The following CPAMD8 variants were observed in gnomAD, a reference collection of about 807,000 sequenced individuals.
CPAMD8 encodes C3 and PZP-like alpha-2-macroglobulin domain-containing protein 8.
Under a neutral mutation model 224.7 loss-of-function variants are expected in CPAMD8, and 146 were observed. The observed-to-expected ratio is 0.65, with a 90% CI of 0.57 to 0.75. The LOEUF (loss-of-function observed/expected upper bound fraction) is 0.75. CPAMD8 is among the 30% of genes least tolerant of loss of function. CPAMD8 has a pLI of 0.00. For synonymous variants in CPAMD8, 966 were observed against 1,044.6 expected (o/e 0.92, Z 1.45); for missense variants, 2,301 against 2,537.5 (o/e 0.91, Z 2.00).
At chr19:16,955,937 A>T (rs578023819) in intron 19 of CPAMD8, among the ~76,000 whole-genome samples, 1 of 152,230 alleles carries the variant, frequency 6.6e-6, no homozygotes, top group South Asian at 2.1e-4. Context: ...TCAGCCTCTC[A>T]AAGTGCTGGG....
At chr19:16,967,889 A>ATGTGTGTGTATATGTG (rs1568539943) in intron 18 of CPAMD8, among the ~76,000 whole-genome samples, 2 of 89,564 alleles carry the variant, frequency 2.2e-5, no homozygotes, top group African/African-American at 4.7e-5. Flanking sequence ...ATATACACAC[A>ATGTGTGTGTATATGTG]CATGTGTGTG....
chr19:16,949,236 C>T (rs1460412640), intron 20 of CPAMD8, among the ~76,000 whole-genome samples: 1 of 152,046 alleles, frequency 6.6e-6, no homozygotes, highest in Non-Finnish European at 1.5e-5. Flanking sequence ...TAAGCACATA[C>T]ACTGCCCAGC....
rs574577388 is a variant in CPAMD8, at chr19:16,978,105, T to C, written c.1586-565A>G. On this transcript the variant is annotated intron_variant, in intron 14 of 41. Coordinates refer to ENST00000443236, the MANE Select transcript of CPAMD8 (RefSeq NM_015692.5). ...GGCAAGAGAATGAGGGTAGAAAGGC[T>C]CCCAGTTCCAGAATGGGCCATCTGT... Among the ~76,000 whole-genome samples, 269 of 152,202 alleles carry C rather than the reference T, an allele frequency of 1.8e-3. 2 individuals are homozygous for C. Among genetic ancestry groups the C allele is most frequent in the African/African-American group, 6.4e-3 (264 of 41,526 alleles).
chr19:16,912,159 A>C (rs1280621855), intron 29 of CPAMD8, among the ~76,000 whole-genome samples: 1 of 152,214 alleles, frequency 6.6e-6, no homozygotes, highest in African/African-American at 2.4e-5. Context: ...AATAAAGTGC[A>C]CAATAAATGT....
rs779768485 is a variant in CPAMD8, at chr19:16,975,983, G to A, written c.1908+19C>T. Reference sequence around the variant, plus strand: ...AGCCCCGTGGAGGTCTAGAACCCAAGCCCGAGGGGTCTGCTCACCTGGGCA... The same window carrying A: ...AGCCCCGTGGAGGTCTAGAACCCAAACCCGAGGGGTCTGCTCACCTGGGCA... On this transcript the variant is annotated intron_variant, in intron 16 of 41. Transcript: ENST00000443236. The A allele has an allele frequency of 1.3e-6, 2 of 1,555,656 alleles. No homozygotes were observed. Among genetic ancestry groups the A allele is most frequent in the South Asian group, 1.2e-5 (1 of 83,956 alleles).
At position 16,907,132 on chromosome 19, in the gene CPAMD8, G is replaced by A; in HGVS notation, c.3862-15C>T. 6.5e-7 allele frequency: 1 copy of A among 1,533,536 alleles called. No individual in the cohort carries two copies. The highest frequency in any genetic ancestry group is 8.8e-7 in the Non-Finnish European group (1 of 1,140,756). The allele number at this position is 1,533,536 out of a possible 1,614,324, so 95.0% of individuals were successfully genotyped here. On this transcript the variant is annotated splice_polypyrimidine_tract_variant and intron_variant, in intron 29 of 41. Transcript: ENST00000443236. The stretch of plus-strand genomic sequence containing the variant: ...CCTCTCTCCTCCTGCAGGGTGGGGT[G>A]GGAAGGTGAAACCTGGGAGGCTGCT...
intron 18 of CPAMD8, among the ~76,000 whole-genome samples, chr19:16,969,377 G>C (rs148375372): frequency 2.6e-5 from 4 of 152,298 alleles, no homozygotes; most frequent in African/African-American, 9.6e-5. Flanking sequence ...GTGGAGGTCA[G>C]GGATGCTGCT....
intron 2 of CPAMD8, 105 bp downstream of exon 2, chr19:17,021,925 A>G: frequency 1.6e-6 from 1 of 633,024 alleles, no homozygotes; most frequent in Non-Finnish European, 2.4e-6. Flanking sequence ...TTTAGGGCAG[A>G]AGGGAAGCAA....
At chr19:16,949,048 G>A (rs1248041235) in intron 20 of CPAMD8, among the ~76,000 whole-genome samples, 3 of 140,010 alleles carry the variant, frequency 2.1e-5, no homozygotes, top group South Asian at 2.7e-4. Context: ...AAGGAAGGAC[G>A]GGAGGGGGGG....
chr19:16,901,173 G>A, intron 36 of CPAMD8, 37 bp downstream of exon 36: 1 of 1,497,320 alleles, frequency 6.7e-7, no homozygotes, highest in Non-Finnish European at 9.1e-7. Context: ...ATTGTTCAGA[G>A]ATCCCTGCCC....
chr19:16,987,179 AATATATATATAT>A lies in CPAMD8; in HGVS notation c.1395+2452_1395+2463del, dbSNP rs775029154. Among the ~76,000 whole-genome samples, 218 of 53,916 alleles carry A rather than the reference AATATATATATAT, an allele frequency of 4.0e-3. 4 individuals are homozygous for A. The highest frequency in any genetic ancestry group is 0.015 in the African/African-American group (147 of 9,582). 35.4% of individuals were successfully genotyped at this position (53,916 alleles called of 152,430 possible). On this transcript the variant is annotated intron_variant, in intron 13 of 41. Coordinates refer to ENST00000443236, the MANE Select transcript of CPAMD8 (RefSeq NM_015692.5). Reference sequence around the variant, plus strand: ...AAAAAAAAAAAAAAAAAAAAAAAAAAATATATATATATATATATATATATATATATGTATATG... The same window carrying A: ...AAAAAAAAAAAAAAAAAAAAAAAAAAATATATATATATATATATGTATATG...
intron 41 of CPAMD8, chr19:16,895,856 A>T (rs1333117651): frequency 1.9e-6 from 1 of 515,584 alleles, no homozygotes; most frequent in Admixed American, 2.3e-5. Context: ...TCCCCCCAGC[A>T]TTTCGGATAA....
At chr19:16,918,251 T>C (rs1011160762) in intron 27 of CPAMD8, among the ~76,000 whole-genome samples, 7 of 152,146 alleles carry the variant, frequency 4.6e-5, no homozygotes, top group African/African-American at 1.7e-4. Context: ...TACCTTGGCC[T>C]CCCAAAGTGC....
chr19:17,002,070 C>T (rs2056342740), intron 9 of CPAMD8, among the ~76,000 whole-genome samples, 196 bp downstream of exon 9: 1 of 147,810 alleles, frequency 6.8e-6, no homozygotes, highest in Non-Finnish European at 1.5e-5. Context: ...GGGGCGCCTA[C>T]TGGAGAGAGT....
At position 17,011,709 on chromosome 19, in the gene CPAMD8, C is replaced by T. The variant is rs200726092; in HGVS notation, c.316G>A (p.Gly106Ser). Residue 106 changes from glycine (G) to serine (S), a missense_variant, in exon 4 of 42, where the codon GGC becomes AGC. Coordinates refer to ENST00000443236, the MANE Select transcript of CPAMD8 (RefSeq NM_015692.5). Reference protein sequence around the residue: ...GQALLKVWGRGWQAEEGPLFH... With the variant: ...GQALLKVWGRSWQAEEGPLFH... ...AGGGGCCCCTCCTCCGCCTGCCAGC[C>T]GCGGCCCCACACTTTCAGAAGCGCT... 38 of 1,613,918 alleles carry T rather than the reference C, an allele frequency of 2.4e-5. 1 individual carries two copies. Among genetic ancestry groups the T allele is most frequent in the East Asian group, 1.8e-4 (8 of 44,890 alleles).
At position 16,899,665 on chromosome 19, in the gene CPAMD8, G is replaced by GGGTCTGGGTGCT; in HGVS notation, c.4774-128_4774-117dup. The GGGTCTGGGTGCT allele has an allele frequency of 3.0e-6, 2 of 671,436 alleles. No homozygotes were observed. 41.6% of individuals were successfully genotyped at this position (671,436 alleles called of 1,614,324 possible). ...CTTGCCCACAAGTTACCATGGGCTG[G>GGGTCTGGGTGCT]GGTCTGGGTGCTGGTCAGTGCTCCC... is the stretch of plus-strand genomic sequence containing the variant. On this transcript the variant is annotated intron_variant, in intron 36 of 41. Transcript: ENST00000443236. The surrounding 1 kb of genome is among the most constrained non-coding windows in gnomAD (Gnocchi z 5.4).
chr19:17,011,095 A>G (rs1178343977), intron 5 of CPAMD8, among the ~76,000 whole-genome samples: 1 of 152,006 alleles, frequency 6.6e-6, no homozygotes, highest in Admixed American at 6.6e-5. Flanking sequence ...TCGGGAGGCT[A>G]AGGCAAGAGA....
chr19:16,910,018 A>C (rs2052664731), intron 29 of CPAMD8, among the ~76,000 whole-genome samples: 1 of 147,636 alleles, frequency 6.8e-6, no homozygotes. Flanking sequence ...TGCCTGGCTG[A>C]TTTTTGTACT....
chr19:16,896,601 G>A lies in CPAMD8; in HGVS notation c.5130C>T (p.Cys1710=). 4 of 1,506,180 alleles carry A rather than the reference G, an allele frequency of 2.7e-6. No individual in the cohort carries two copies. The highest frequency in any genetic ancestry group is 3.5e-6 in the Non-Finnish European group (4 of 1,133,256). 93.3% of individuals were successfully genotyped at this position (1,506,180 alleles called of 1,614,324 possible). A position where few individuals can be genotyped will look rare whatever the true frequency, so the allele number is the denominator to read the frequency against. ...APEEGAAIAR[C]GCDHDCGAQG... is the part of the protein sequence containing the mutation. ...GGGCGCCGCAGTCGTGGTCGCAGCCGCATCGCGCGATCGCCGCCCCCTCCT... is the reference window on the plus strand; with the variant it reads ...GGGCGCCGCAGTCGTGGTCGCAGCCACATCGCGCGATCGCCGCCCCCTCCT... The change falls in exon 40 of 42, where the codon TGC becomes TGT. Residue 1710 remains cysteine (C), a synonymous_variant. Transcript: ENST00000443236.
Sources: gnomAD v4.1 joint callset for allele counts (sites outside exome capture counted in the v4.1 genomes callset) on GRCh38, gnomAD v4.1.1 for gene constraint, Gnocchi (gnomAD v3.1) non-coding constraint, MANE v1.5 for transcripts, NCBI Gene and HGNC (gene_info 2026-07-23, HGNC 2026-07-21) for gene names.